ANO4: variants seen among roughly 807,000 people sequenced by gnomAD.
The protein encoded by ANO4 is anoctamin 4.
ANO4 carries 69 observed loss-of-function variants against 141.9 expected under a neutral mutation model. The ratio of observed to expected loss-of-function variants is 0.49; its 90% CI spans 0.40 to 0.59. The LOEUF (loss-of-function observed/expected upper bound fraction) is 0.59. ANO4 is among the 20% of genes least tolerant of loss of function. The pLI is 0.00. For synonymous variants in ANO4, 350 were observed against 394.3 expected (o/e 0.89, Z 1.33); for missense variants, 894 against 1,162.2 (o/e 0.77, Z 3.36).
chr12:100,726,427 C>T (rs2031123726), intron 1 of ANO4, among the ~76,000 whole-genome samples: 1 of 152,164 alleles, frequency 6.6e-6, no homozygotes, highest in Admixed American at 6.5e-5. Flanking sequence ...ATTCCTAGCG[C>T]AGGGCAGATC....
intron 1 of ANO4, among the ~76,000 whole-genome samples, chr12:100,853,117 C>T (rs2037969058): frequency 6.6e-6 from 1 of 152,104 alleles, no homozygotes; most frequent in African/African-American, 2.4e-5. Flanking sequence ...CTGTTCAAGT[C>T]TCTTGACCAT....
intron 1 of ANO4, among the ~76,000 whole-genome samples, chr12:100,728,423 A>G (rs1420836362): frequency 2.6e-5 from 4 of 152,224 alleles, no homozygotes; most frequent in African/African-American, 9.6e-5. Flanking sequence ...CACCAGATAC[A>G]GGAGGAACCT....
At chr12:101,120,047 A>G (rs1461472175) in intron 25 of ANO4, among the ~76,000 whole-genome samples, 1 of 152,212 alleles carries the variant, frequency 6.6e-6, no homozygotes, top group African/African-American at 2.4e-5. Context: ...TCAAGGGGTG[A>G]TATGAGCTTC....
At chr12:101,020,172 T>C in intron 9 of ANO4, 32 bp downstream of exon 9, 1 of 1,463,342 alleles carries the variant, frequency 6.8e-7, no homozygotes, top group Non-Finnish European at 9.5e-7. Context: ...CAAACTACAT[T>C]TGGCATTTGG....
chr12:101,069,544 C>T (rs1199672441), intron 14 of ANO4, among the ~76,000 whole-genome samples: 2 of 152,128 alleles, frequency 1.3e-5, no homozygotes, highest in Non-Finnish European at 2.9e-5. Flanking sequence ...CTTCTGGAAA[C>T]AAGTAGAAGC....
chr12:100,785,007 A>C (rs2033823861), intron 3 of ANO4, among the ~76,000 whole-genome samples: 1 of 151,742 alleles, frequency 6.6e-6, no homozygotes, highest in Admixed American at 6.6e-5. Context: ...TGTTTTCTAG[A>C]GGTATCTACT....
At chr12:100,878,166 C>T (rs952007924) in intron 1 of ANO4, among the ~76,000 whole-genome samples, 1 of 152,168 alleles carries the variant, frequency 6.6e-6, no homozygotes, top group South Asian at 2.1e-4. Flanking sequence ...TGATCACCAT[C>T]TCTCCTGCCT....
chr12:100,778,396 T>C (rs2033603918), intron 3 of ANO4, among the ~76,000 whole-genome samples: 1 of 152,156 alleles, frequency 6.6e-6, no homozygotes, highest in African/African-American at 2.4e-5. Context: ...ATAATTTAAT[T>C]AACTATATAA....
At chr12:100,927,578 A>G (rs1019231020) in intron 3 of ANO4, among the ~76,000 whole-genome samples, 2 of 152,100 alleles carry the variant, frequency 1.3e-5, no homozygotes, top group Non-Finnish European at 2.9e-5. Flanking sequence ...GCAGTCCATG[A>G]ATCAGGTGTA....
Position 101,121,049 on chromosome 12 carries a change from G to A in ANO4, c.2676+424G>A, listed in dbSNP as rs79872417. Among the ~76,000 whole-genome samples the A allele has an allele frequency of 1.1e-3, 171 of 152,260 alleles. 3 individuals are homozygous for A. In the East Asian group the frequency reaches 0.025, roughly 22 times the overall value. On this transcript the variant is annotated intron_variant, in intron 26 of 27. Transcript: ENST00000392977. ...CATTTGGAAAACATCAGCCCAGTAAGATTCATTCTTTTTTTCTTTTTCTTT... is the reference window on the plus strand; with the variant it reads ...CATTTGGAAAACATCAGCCCAGTAAAATTCATTCTTTTTTTCTTTTTCTTT...
intron 4 of ANO4, among the ~76,000 whole-genome samples, chr12:100,941,468 G>A (rs2042508691): frequency 6.6e-6 from 1 of 152,066 alleles, no homozygotes; most frequent in South Asian, 2.1e-4. Flanking sequence ...TTTTTTATCA[G>A]TGTTGTCTTT....
chr12:100,731,569 A>G (rs71464238), intron 1 of ANO4, among the ~76,000 whole-genome samples: 46 of 152,344 alleles, frequency 3.0e-4, no homozygotes, highest in Non-Finnish European at 5.6e-4. Flanking sequence ...TGGGTAATTT[A>G]ATAATGACTT....
At chr12:100,769,454 A>G (rs2135547991) in intron 3 of ANO4, among the ~76,000 whole-genome samples, 1 of 152,336 alleles carries the variant, frequency 6.6e-6, no homozygotes, top group East Asian at 1.9e-4. Flanking sequence ...CTGGGGTTTC[A>G]GTCTTGCCTC....
At chr12:101,028,333 A>G (rs2046828134) in intron 9 of ANO4, among the ~76,000 whole-genome samples, 1 of 152,224 alleles carries the variant, frequency 6.6e-6, no homozygotes, top group Non-Finnish European at 1.5e-5. Context: ...GATGAGATGG[A>G]CAAATTGACA....
chr12:101,044,170 CCTTT>C (rs1435688526), intron 13 of ANO4, among the ~76,000 whole-genome samples: 1 of 152,128 alleles, frequency 6.6e-6, no homozygotes, highest in African/African-American at 2.4e-5. Context: ...AAATGTGCCC[CCTTT>C]CTAAGAAACT....
intron 16 of ANO4, among the ~76,000 whole-genome samples, chr12:101,084,040 G>A (rs1461346829): frequency 6.6e-6 from 1 of 152,208 alleles, no homozygotes; most frequent in Admixed American, 6.5e-5. Context: ...CCCGAGGTCA[G>A]CCAGTAGGTA....
chr12:100,837,124 A>C (rs2036968003), intron 1 of ANO4, among the ~76,000 whole-genome samples: 1 of 152,188 alleles, frequency 6.6e-6, no homozygotes, highest in African/African-American at 2.4e-5. Context: ...CCTTTATAGT[A>C]AAAGATAAAT....
rs116752519 is a variant in ANO4 at position 100,723,377 on chromosome 12, C to T, written c.22+5830C>T. On this transcript the variant is annotated intron_variant, in intron 1 of 29. Transcript: ENST00000644049. ...TTAATGTATGGTGAGGGCCTGTTTC[C>T]TGGCTTGTAGATAGTCATCTTCTTG... is the stretch of plus-strand genomic sequence containing the variant. Among the ~76,000 whole-genome samples, 419 of 152,160 alleles carry T rather than the reference C, an allele frequency of 2.8e-3. 1 individual carries two copies. The highest frequency in any genetic ancestry group is 9.5e-3 in the African/African-American group (393 of 41,496).
intron 2 of ANO4, among the ~76,000 whole-genome samples, chr12:100,909,686 C>A (rs1181343320): frequency 6.6e-6 from 1 of 152,120 alleles, no homozygotes; most frequent in Admixed American, 6.5e-5. Context: ...AAGGAAGAGG[C>A]ATGACCATTC....
Sources: gnomAD v4.1 joint callset for allele counts (sites outside exome capture counted in the v4.1 genomes callset) on GRCh38, gnomAD v4.1.1 for gene constraint, MANE v1.5 for transcripts, NCBI Gene and HGNC (gene_info 2026-07-23, HGNC 2026-07-21) for gene names.